Variants in MCTP1 observed in about 807,000 individuals in gnomAD.
MCTP1 encodes the protein multiple C2 and transmembrane domain containing 1.
In MCTP1, 69 loss-of-function variants were observed where a neutral mutation model predicts 120.6. The observed-to-expected ratio is 0.57, with a 90% CI of 0.47 to 0.70. The LOEUF (loss-of-function observed/expected upper bound fraction) is 0.70, where lower values mean the gene tolerates loss of function less well. Among genes scored for constraint, MCTP1 ranks in the 30% least tolerant of loss-of-function variants. The probability of loss-of-function intolerance (pLI) is 0.00; values close to 1 mark genes in which losing one functional copy is unlikely to be tolerated. For synonymous variants in MCTP1, 529 were observed against 493.1 expected, an observed-to-expected ratio of 1.07 and a Z score of -0.96; for missense variants, 1,203 against 1,248.8, an observed-to-expected ratio of 0.96 and a Z score of 0.55.
At chr5:94,817,469 T>G (rs1784718359) in intron 17 of MCTP1, among the ~76,000 whole-genome samples, 1 of 151,746 alleles carries the variant, frequency 6.6e-6, no homozygotes, top group Non-Finnish European at 1.5e-5. Context: ...GCAGAAGGAG[T>G]TGAAACTTGC....
At chr5:94,738,486 C>T (rs1764781721) in intron 19 of MCTP1, among the ~76,000 whole-genome samples, 1 of 152,180 alleles carries the variant, frequency 6.6e-6, no homozygotes, top group Non-Finnish European at 1.5e-5. Flanking sequence ...ACACATCACA[C>T]TCACCAGCCT....
At chr5:94,845,349 T>C (rs977068498) in intron 17 of MCTP1, among the ~76,000 whole-genome samples, 9 of 152,096 alleles carry the variant, frequency 5.9e-5, no homozygotes, top group African/African-American at 1.7e-4. Flanking sequence ...CCATCAGATC[T>C]TGTGACACTT....
At chr5:95,241,085 A>C (rs573340139) in intron 1 of MCTP1, among the ~76,000 whole-genome samples, 6 of 152,142 alleles carry the variant, frequency 3.9e-5, no homozygotes, top group Non-Finnish European at 8.8e-5. Flanking sequence ...TTTTTATGAA[A>C]CCTTATTGAG....
intron 19 of MCTP1, among the ~76,000 whole-genome samples, chr5:94,775,963 TA>T (rs1268670636): frequency 5.6e-5 from 8 of 141,924 alleles, no homozygotes; most frequent in African/African-American, 1.9e-4. Context: ...AATATATTTA[TA>T]TTATATATAT....
chr5:94,706,317 G>C lies in MCTP1; in HGVS notation c.*1179C>G, dbSNP rs1754579586. Reference sequence around the variant, plus strand: ...GAGTGAGATATAAAAACTACTTTAAGAGTCTTGGGAATGCAATTTTTAAGT... The same window carrying C: ...GAGTGAGATATAAAAACTACTTTAACAGTCTTGGGAATGCAATTTTTAAGT... On this transcript the variant is annotated 3_prime_UTR_variant, in exon 23 of 23. Coordinates refer to ENST00000515393, the MANE Select transcript of MCTP1 (RefSeq NM_024717.7). The C allele has an allele frequency of 6.6e-6, 1 of 151,616 alleles. No individual in the cohort carries two copies. Among genetic ancestry groups the C allele is most frequent in the Non-Finnish European group, 1.5e-5 (1 of 67,740 alleles). 9.4% of individuals were successfully genotyped at this position (151,616 alleles called of 1,614,324 possible). A position where few individuals can be genotyped will look rare whatever the true frequency, so the allele number is the denominator to read the frequency against.
At chr5:95,168,568 TA>T (rs1047412622) in intron 1 of MCTP1, among the ~76,000 whole-genome samples, 4 of 152,220 alleles carry the variant, frequency 2.6e-5, no homozygotes, top group African/African-American at 9.6e-5. Flanking sequence ...TGTCCTCTTT[TA>T]TTTCGTTGAG....
intron 2 of MCTP1, chr5:94,979,722 G>T (rs953748277): frequency 6.6e-6 from 1 of 151,666 alleles, no homozygotes; most frequent in Non-Finnish European, 1.5e-5. Context: ...ACACTAGATA[G>T]AAAAAAAACA....
chr5:94,896,228 A>G (rs1418833280), intron 10 of MCTP1, among the ~76,000 whole-genome samples: 1 of 152,218 alleles, frequency 6.6e-6, no homozygotes, highest in Non-Finnish European at 1.5e-5. Flanking sequence ...CTCTAATGAA[A>G]AAAAAGGTAT....
At chr5:95,212,949 G>A (rs1039551930) in intron 1 of MCTP1, among the ~76,000 whole-genome samples, 4 of 152,042 alleles carry the variant, frequency 2.6e-5, no homozygotes, top group East Asian at 1.9e-4. Context: ...TTTGAAAACC[G>A]GCACAAGACA....
intron 20 of MCTP1, among the ~76,000 whole-genome samples, chr5:94,711,521 T>C (rs181106779): frequency 1.3e-5 from 2 of 152,268 alleles, no homozygotes; most frequent in Non-Finnish European, 1.5e-5. Context: ...CACCTCTTAC[T>C]GCCCTTCTTC....
At chr5:94,864,591 G>C (rs1796458492) in intron 17 of MCTP1, among the ~76,000 whole-genome samples, 1 of 151,832 alleles carries the variant, frequency 6.6e-6, no homozygotes, top group African/African-American at 2.4e-5. Flanking sequence ...CTACACAGCA[G>C]AACAGAAATT....
At chr5:95,026,526 G>A (rs1416003722) in intron 1 of MCTP1, among the ~76,000 whole-genome samples, 2 of 152,108 alleles carry the variant, frequency 1.3e-5, no homozygotes, top group African/African-American at 4.8e-5. Context: ...CCACAAGTAA[G>A]TGAGACCATG....
intron 1 of MCTP1, among the ~76,000 whole-genome samples, chr5:95,230,178 A>AC (rs1253132810): frequency 8.5e-6 from 1 of 118,124 alleles, no homozygotes; most frequent in Non-Finnish European, 2.0e-5. Flanking sequence ...ATATACACAT[A>AC]CATATATGTG....
At chr5:94,755,281 C>A (rs532609660) in intron 19 of MCTP1, among the ~76,000 whole-genome samples, 2 of 152,188 alleles carry the variant, frequency 1.3e-5, no homozygotes, top group Non-Finnish European at 2.9e-5. Context: ...ACTTCTGAGA[C>A]CCTGATCCTC....
chr5:94,853,057 C>A (rs1055071053), intron 17 of MCTP1, among the ~76,000 whole-genome samples: 1 of 151,902 alleles, frequency 6.6e-6, no homozygotes, highest in Non-Finnish European at 1.5e-5. Context: ...TCACTTGTCA[C>A]AAACCAATAA....
intron 1 of MCTP1, among the ~76,000 whole-genome samples, chr5:95,260,464 C>T (rs1034507279): frequency 6.6e-6 from 1 of 152,100 alleles, no homozygotes; most frequent in Admixed American, 6.5e-5. Context: ...TTCCAGACTG[C>T]GCAAAAGCAT....
chr5:95,031,601 TCAC>T (rs1477538332), intron 1 of MCTP1, among the ~76,000 whole-genome samples: 10 of 152,266 alleles, frequency 6.6e-5, no homozygotes, highest in African/African-American at 1.7e-4. Flanking sequence ...AGGGAATTCA[TCAC>T]CACAAGACTG....
chr5:94,775,913 AAT>A (rs1173901980), intron 19 of MCTP1, among the ~76,000 whole-genome samples: 1 of 147,832 alleles, frequency 6.8e-6, no homozygotes, highest in Admixed American at 6.8e-5. Context: ...AAAAACAACT[AAT>A]ATATATATCA....
chr5:94,940,668 T>C (rs750047096), intron 4 of MCTP1, among the ~76,000 whole-genome samples: 1 of 146,744 alleles, frequency 6.8e-6, no homozygotes, highest in South Asian at 2.2e-4. Flanking sequence ...AATACACATA[T>C]GGGGTTACAG....
Sources: allele counts gnomAD v4.1 joint callset (sites outside exome capture counted in the v4.1 genomes callset), GRCh38; gene constraint gnomAD v4.1.1; transcripts MANE v1.5; gene names NCBI Gene and HGNC (gene_info 2026-07-23, HGNC 2026-07-21).